The following RGS11 variants were observed in gnomAD, a reference collection of about 807,000 sequenced individuals.
RGS11 encodes the protein regulator of G protein signaling 11.
In RGS11, 86 loss-of-function variants were observed where a neutral mutation model predicts 71.1. The ratio of observed to expected loss-of-function variants is 1.21; its 90% CI spans 1.02 to 1.45. The LOEUF (loss-of-function observed/expected upper bound fraction) is 1.45. Among genes scored for constraint, RGS11 ranks in the 40% most tolerant of loss-of-function variants. The pLI is 0.00. For missense variants in RGS11, 734 were observed against 635.1 expected, an observed-to-expected ratio of 1.16 and a Z score of -1.67; for synonymous variants, 298 against 254.2, an observed-to-expected ratio of 1.17 and a Z score of -1.64.
In RGS11 at chr16:275,460, C is replaced by G; in HGVS notation, c.102G>C (p.Gln34His). The change falls in exon 2 of 17, where the codon CAG becomes CAC. Residue 34 changes from glutamine to histidine, a missense_variant. Gln to His is a conservative substitution (Grantham distance 24). Transcript: ENST00000397770. ...RVVVSMQDPD[Q>H]GVKMRSQRLL... ...GGCGCTGGCTCCGCATCTTCACGCC[C>G]TGGTCGGGGTCCTGCATGCTCACGA... 1 of 1,593,608 alleles carries G rather than the reference C, an allele frequency of 6.3e-7. No individual in the cohort carries two copies. Among genetic ancestry groups the G allele is most frequent in the South Asian group, 1.1e-5 (1 of 90,418 alleles).
Position 269,318 on chromosome 16 carries a change from A to G in RGS11, c.1355T>C (p.Val452Ala). 5 of 1,598,926 alleles carry G rather than the reference A, an allele frequency of 3.1e-6. No individual in the cohort carries two copies. Among genetic ancestry groups the G allele is most frequent in the Non-Finnish European group, 4.3e-6 (5 of 1,174,244 alleles). ...AGGGCCACAAGCCGCTGTGGGCTCC[A>G]CAGGGGTGGGAAGGAGTGCAGGGCT... ...SPSPALLPTPVEPTAACGPGG... is the reference protein window; with the variant it reads ...SPSPALLPTPAEPTAACGPGG... Residue 452 changes from valine (V) to alanine (A), a missense_variant, in exon 17 of 17, where the codon GTG (valine) becomes GCG (alanine). Physicochemically the swap from Val to Ala is moderately conservative, Grantham distance 64 (BLOSUM62 0). Transcript: ENST00000397770.
At chr16:273,398 C>G in intron 8 of RGS11, 77 bp downstream of exon 8, 1 of 1,151,132 alleles carries the variant, frequency 8.7e-7, no homozygotes, top group Non-Finnish European at 1.2e-6. Flanking sequence ...AATGGTGGTC[C>G]TGAGAGCGCC....
chr16:275,457 G>A lies in RGS11; in HGVS notation c.105C>T (p.Gly35=). The A allele has an allele frequency of 6.3e-7, 1 of 1,594,546 alleles. No homozygotes were observed. Among genetic ancestry groups the A allele is most frequent in the Non-Finnish European group, 8.5e-7 (1 of 1,177,358 alleles). ...GCAGGCGCTGGCTCCGCATCTTCAC[G>A]CCCTGGTCGGGGTCCTGCATGCTCA... ...VVVSMQDPDQ[G]VKMRSQRLLV... Residue 35 remains glycine, a synonymous_variant, in exon 2 of 17, where the codon GGC becomes GGT. Transcript: ENST00000397770.
At chr16:273,182 C>A (rs914973871) in intron 8 of RGS11, among the ~76,000 whole-genome samples, 2 of 152,202 alleles carry the variant, frequency 1.3e-5, no homozygotes, top group South Asian at 4.1e-4. Context: ...AGGCCGCCCC[C>A]ACTCTGCCTG....
chr16:271,506 C>G (rs1248963022), intron 10 of RGS11, 34 bp downstream of exon 10: 1 of 1,614,002 alleles, frequency 6.2e-7, no homozygotes. Flanking sequence ...GGGGAAGGCA[C>G]CTGGCACCCT....
chr16:275,191 C>T, intron 3 of RGS11, 92 bp downstream of exon 3: 4 of 1,600,112 alleles, frequency 2.5e-6, no homozygotes, highest in Non-Finnish European at 3.4e-6. Flanking sequence ...GCGCGCTCAG[C>T]AGGGCTCTGA....
intron 1 of RGS11, 72 bp from the exon 2 acceptor site, chr16:275,570 C>T (rs953095776): frequency 3.5e-5 from 46 of 1,304,626 alleles, no homozygotes; most frequent in Non-Finnish European, 4.5e-5. Flanking sequence ...GGCCGGGATG[C>T]CCCGGATCCG....
intron 14 of RGS11, 33 bp from the exon 15 acceptor site, chr16:270,694 C>A: frequency 1.2e-6 from 2 of 1,609,262 alleles, no homozygotes; most frequent in Non-Finnish European, 1.7e-6. Flanking sequence ...GTAGTCTCGG[C>A]TGGGTGCACC....
Position 275,509 on chromosome 16 carries a change from G to C in RGS11, c.64-11C>G. ...GACCACCCGCTCCATCTGGGCGGAG[G>C]GAGTCGTCAGGGGGTGTCTGGCCGC... On this transcript the variant is annotated splice_polypyrimidine_tract_variant and intron_variant, in intron 1 of 16. Transcript: ENST00000397770. 6.5e-7 allele frequency: 1 copy of C among 1,548,680 alleles called. No individual in the cohort carries two copies. The highest frequency in any genetic ancestry group is 8.7e-7 in the Non-Finnish European group (1 of 1,152,840).
At chr16:271,618 G>A (rs776492339) in intron 9 of RGS11, 49 bp from the exon 10 acceptor site, 2 of 1,588,504 alleles carry the variant, frequency 1.3e-6, no homozygotes, top group South Asian at 1.1e-5. Flanking sequence ...CCCTGCTGGG[G>A]TCCAAAATCC....
At chr16:272,278 A>G in intron 9 of RGS11, 1 of 1,247,878 alleles carries the variant, frequency 8.0e-7, no homozygotes, top group Non-Finnish European at 1.0e-6. Flanking sequence ...GAGGAGGCGG[A>G]CGCGCTGCGA....
intron 12 of RGS11, 50 bp downstream of exon 12, chr16:271,152 C>G (rs2051917272): frequency 6.2e-7 from 1 of 1,604,416 alleles, no homozygotes. Context: ...CTCCTGCGTC[C>G]CCCCAGGCTG....
Position 270,507 on chromosome 16 carries a change from C to T in RGS11, c.1206+16G>A. ...GGATGACCCCTCCTGCCCCTGCAGG[C>T]TGGCCCAGCACCCACCTTCTTCATG... On this transcript the variant is annotated intron_variant, in intron 15 of 16. Transcript: ENST00000397770. 6.3e-7 allele frequency: 1 copy of T among 1,591,648 alleles called. No individual in the cohort carries two copies. Among genetic ancestry groups the T allele is most frequent in the South Asian group, 1.1e-5 (1 of 88,348 alleles).
intron 6 of RGS11, 59 bp from the exon 7 acceptor site, chr16:273,895 T>G: frequency 2.0e-6 from 3 of 1,530,062 alleles, no homozygotes; most frequent in East Asian, 4.5e-5. Flanking sequence ...TGAGACTGTG[T>G]GGGCAGTTGG....
At position 272,522 on chromosome 16, in the gene RGS11, G is replaced by A. The variant is rs933045008; in HGVS notation, c.657+341C>T. 1.8e-5 allele frequency: 25 copies of A among 1,387,540 alleles called. No individual in the cohort carries two copies. In the Admixed American group the frequency reaches 2.2e-4, roughly 12 times the overall value. 86.0% of individuals were successfully genotyped at this position (1,387,540 alleles called of 1,614,324 possible). A position where few individuals can be genotyped will look rare whatever the true frequency, so the allele number is the denominator to read the frequency against. ...GGAGGGAGGTTGCTGGATCTGCTGA[G>A]GTCTGTCAGAGGCCGTAACCCTGCT... On this transcript the variant is annotated intron_variant, in intron 9 of 16. Transcript: ENST00000397770.
At chr16:272,116 G>A (rs770633461) in intron 9 of RGS11, 217 of 1,124,416 alleles carry the variant, frequency 1.9e-4, no homozygotes, top group Non-Finnish European at 2.3e-4. Context: ...GATTAGAGAC[G>A]TGAGCCACCG....
In RGS11 at chr16:271,101, T is replaced by A; in HGVS notation, c.864-2A>T. On this transcript the variant is annotated splice_acceptor_variant, in intron 12 of 16. Coordinates refer to ENST00000397770, the MANE Select transcript of RGS11 (RefSeq NM_183337.3). LOFTEE classifies it high-confidence loss of function. Reference sequence around the variant, plus strand: ...CGGAGCTTCGTGGGGGCAGCCACCCTGGGGAGAGGGCAGGGCTGTTGGGGA... The same window carrying A: ...CGGAGCTTCGTGGGGGCAGCCACCCAGGGGAGAGGGCAGGGCTGTTGGGGA... 6.2e-7 allele frequency: 1 copy of A among 1,610,318 alleles called. No individual in the cohort carries two copies. The highest frequency in any genetic ancestry group is 8.5e-7 in the Non-Finnish European group (1 of 1,178,492).
Position 274,091 on chromosome 16 carries a change from C to G in RGS11, c.381G>C (p.Leu127=), listed in dbSNP as rs1482540920. Residue 127 remains leucine, a synonymous_variant, in exon 6 of 17, where the codon CTG becomes CTC. Transcript: ENST00000397770. ...PAAELDYAIY[L]AKKNIRKRGT... Reference sequence around the variant, plus strand: ...CCCGTTTTCGGATGTTCTTCTTGGCCAGGTAGATGGCTGGAAGAACAGGGA... The same window carrying G: ...CCCGTTTTCGGATGTTCTTCTTGGCGAGGTAGATGGCTGGAAGAACAGGGA... 7 of 1,552,340 alleles carry G rather than the reference C, an allele frequency of 4.5e-6. No homozygotes were observed. The highest frequency in any genetic ancestry group is 6.1e-6 in the Non-Finnish European group (7 of 1,147,854).
chr16:268,338 A>G lies in RGS11; in HGVS notation c.*931T>C, dbSNP rs1195384133. On this transcript the variant is annotated 3_prime_UTR_variant, in exon 17 of 17. Coordinates refer to ENST00000397770, the MANE Select transcript of RGS11 (RefSeq NM_183337.3). Reference sequence around the variant, plus strand: ...CAGAGCCAGGGCCCAAGGGTCTTTTATTTGTGTGCTGGACGCTGTTGGGAG... The same window carrying G: ...CAGAGCCAGGGCCCAAGGGTCTTTTGTTTGTGTGCTGGACGCTGTTGGGAG... The G allele has an allele frequency of 4.1e-6, 1 of 246,032 alleles. No individual in the cohort carries two copies. The highest frequency in any genetic ancestry group is 8.1e-6 in the Non-Finnish European group (1 of 123,906). 15.2% of individuals were successfully genotyped at this position (246,032 alleles called of 1,614,324 possible). A position where few individuals can be genotyped will look rare whatever the true frequency, so the allele number is the denominator to read the frequency against.
Sources: allele counts gnomAD v4.1 joint callset (sites outside exome capture counted in the v4.1 genomes callset), GRCh38; gene constraint gnomAD v4.1.1; transcripts MANE v1.5; gene names NCBI Gene and HGNC (gene_info 2026-07-23, HGNC 2026-07-21).